Variants in RAB10 observed in about 807,000 individuals in gnomAD.
The protein encoded by RAB10 is ras-related protein Rab-10.
In RAB10, 5 loss-of-function variants were observed where a neutral mutation model predicts 25.7. The ratio of observed to expected loss-of-function variants is 0.19; its 90% CI spans 0.10 to 0.41. RAB10 has a LOEUF of 0.41. RAB10 is among the 10% of genes least tolerant of loss of function. The probability of loss-of-function intolerance (pLI) is 1.00; values close to 1 mark genes in which losing one functional copy is unlikely to be tolerated. For missense variants in RAB10, 103 were observed against 245.8 expected, an observed-to-expected ratio of 0.42 and a Z score of 3.89; for synonymous variants, 89 against 86.4, an observed-to-expected ratio of 1.03 and a Z score of -0.16.
intron 1 of RAB10, among the ~76,000 whole-genome samples, chr2:26,044,995 GT>G (rs80128722): frequency 4.3e-4 from 59 of 136,586 alleles, no homozygotes; most frequent in Non-Finnish European, 3.0e-4. Flanking sequence ...TTTTGTTTTT[GT>G]TTTTTTTTTT....
intron 1 of RAB10, among the ~76,000 whole-genome samples, chr2:26,041,641 C>A (rs1473590580): frequency 9.9e-5 from 15 of 151,312 alleles, no homozygotes; most frequent in Non-Finnish European, 1.5e-5. Context: ...TTTGGTGGCT[C>A]ACGCCTGTAA....
intron 2 of RAB10, 129 bp from the exon 3 acceptor site, chr2:26,109,639 T>C: frequency 4.5e-6 from 4 of 892,458 alleles, no homozygotes; most frequent in Non-Finnish European, 6.2e-6. Context: ...CCAGTATGGG[T>C]AGGTTATTAA....
chr2:26,128,844 A>G (rs199830021), intron 5 of RAB10, among the ~76,000 whole-genome samples: 2 of 8,402 alleles, frequency 2.4e-4, no homozygotes, highest in African/African-American at 6.1e-4. Context: ...TGTAAGTAAC[A>G]TGTAGTCAAA....
chr2:26,034,314 G>T lies in RAB10; in HGVS notation c.-295G>T. ...CTTGCTCGCCCGTGGGAGCGTCCCG[G>T]CCGAGAAGCCCTGAGGGGGGAGGGG... On this transcript the variant is annotated 5_prime_UTR_variant, in exon 1 of 6. Transcript: ENST00000264710. The T allele has an allele frequency of 1.8e-6, 1 of 549,738 alleles. No individual in the cohort carries two copies. The highest frequency in any genetic ancestry group is 3.2e-6 in the Non-Finnish European group (1 of 308,074). The allele number at this position is 549,738 out of a possible 1,614,324, so 34.1% of individuals were successfully genotyped here.
At chr2:26,106,932 G>A (rs1366722697) in intron 2 of RAB10, among the ~76,000 whole-genome samples, 1 of 150,256 alleles carries the variant, frequency 6.7e-6, no homozygotes, top group Non-Finnish European at 1.5e-5. Flanking sequence ...AAATACAGGA[G>A]AAAATCTTTG....
chr2:26,085,130 G>T (rs982001182), intron 1 of RAB10, among the ~76,000 whole-genome samples: 7 of 152,038 alleles, frequency 4.6e-5, no homozygotes, highest in African/African-American at 1.7e-4. Context: ...TGTGGCAAAA[G>T]GAATAATGGA....
intron 1 of RAB10, among the ~76,000 whole-genome samples, chr2:26,037,033 C>T (rs1559574721): frequency 6.6e-6 from 1 of 152,056 alleles, no homozygotes. Context: ...GCCCCAGCCT[C>T]CCAAAGTGCT....
At chr2:26,133,969 C>T (rs981985651) in intron 5 of RAB10, among the ~76,000 whole-genome samples, 3 of 152,298 alleles carry the variant, frequency 2.0e-5, no homozygotes, top group African/African-American at 4.8e-5. Flanking sequence ...CCACGACACC[C>T]GGCCCTTCTG....
At position 26,112,127 on chromosome 2, in the gene RAB10, C is replaced by T. The variant is rs567735739; in HGVS notation, c.327+2221C>T. ...AGAGCTTCCATCCCCTCTCTGGATA[C>T]GCCACCTCTCCCAGCACCTTGATGT... is the stretch of plus-strand genomic sequence containing the variant. On this transcript the variant is annotated intron_variant, in intron 3 of 5. Coordinates refer to ENST00000264710, the MANE Select transcript of RAB10 (RefSeq NM_016131.5). Among the ~76,000 whole-genome samples, 78 of 152,288 alleles carry T rather than the reference C, an allele frequency of 5.1e-4. 2 individuals are homozygous for T. The South Asian group carries it at 0.014, about 27-fold the overall frequency.
chr2:26,098,597 G>T, intron 1 of RAB10, 65 bp from the exon 2 acceptor site: 2 of 1,231,904 alleles, frequency 1.6e-6, no homozygotes, highest in South Asian at 2.6e-5. Flanking sequence ...TTTTTACTGT[G>T]ATTAATTTTA....
chr2:26,081,354 T>C (rs1341037863), intron 1 of RAB10, among the ~76,000 whole-genome samples: 1 of 152,158 alleles, frequency 6.6e-6, no homozygotes, highest in Admixed American at 6.5e-5. Context: ...TCTGTGATGT[T>C]CTGTGACATT....
chr2:26,111,999 T>C (rs972632238), intron 3 of RAB10, among the ~76,000 whole-genome samples: 1 of 152,164 alleles, frequency 6.6e-6, no homozygotes, highest in East Asian at 1.9e-4. Context: ...TCATAGAACT[T>C]AGGAAAATGC....
intron 1 of RAB10, among the ~76,000 whole-genome samples, chr2:26,070,941 G>T (rs1666612101): frequency 2.0e-5 from 3 of 152,036 alleles, no homozygotes; most frequent in Admixed American, 6.6e-5. Context: ...TCACTATGTT[G>T]ATGCTTGTAC....
intron 1 of RAB10, chr2:26,098,387 C>G (rs927658584): frequency 2.8e-6 from 1 of 359,264 alleles, no homozygotes; most frequent in Non-Finnish European, 5.0e-6. Context: ...ATCTGCCCAC[C>G]TCAGCCTCTC....
chr2:26,059,671 C>T lies in RAB10; in HGVS notation c.127+24936C>T, dbSNP rs532589158. 4.3e-4 allele frequency among the ~76,000 whole-genome samples: 65 copies of T among 152,298 alleles called. 2 individuals are homozygous for T. The South Asian group carries it at 0.013, about 30-fold the overall frequency. Reference sequence around the variant, plus strand: ...TGAAAGCAAGGTTTTGAGATCTTTGCATACCCATGTTATAACAGCACTATT... The same window carrying T: ...TGAAAGCAAGGTTTTGAGATCTTTGTATACCCATGTTATAACAGCACTATT... On this transcript the variant is annotated intron_variant, in intron 1 of 5. Transcript: ENST00000264710.
intron 1 of RAB10, among the ~76,000 whole-genome samples, chr2:26,051,997 C>G (rs1479010290): frequency 1.3e-5 from 2 of 150,976 alleles, no homozygotes; most frequent in African/African-American, 4.9e-5. Context: ...GCGGAGGTTG[C>G]AGTGAGCTGA....
At chr2:26,119,161 C>T (rs533200257) in intron 3 of RAB10, among the ~76,000 whole-genome samples, 3 of 152,282 alleles carry the variant, frequency 2.0e-5, no homozygotes, top group East Asian at 3.9e-4. Context: ...AATCCCAGCA[C>T]TTTGGGAATC....
At chr2:26,092,259 AGCTGTGTGTGTGTGTGTGTGT>A (rs1667122032) in intron 1 of RAB10, among the ~76,000 whole-genome samples, 1 of 140,134 alleles carries the variant, frequency 7.1e-6, no homozygotes, top group Admixed American at 7.5e-5. Flanking sequence ...TCATAGTGAG[AGCTGTGTGTGTGTGTGTGTGT>A]GTGTGTGTGT....
intron 1 of RAB10, among the ~76,000 whole-genome samples, chr2:26,095,202 T>C (rs1667185801): frequency 6.6e-6 from 1 of 152,204 alleles, no homozygotes; most frequent in South Asian, 2.1e-4. Context: ...CCTAGGCAAC[T>C]CTCACTAAGA....
Sources: allele counts gnomAD v4.1 joint callset (sites outside exome capture counted in the v4.1 genomes callset), GRCh38; gene constraint gnomAD v4.1.1; transcripts MANE v1.5; gene names NCBI Gene and HGNC (gene_info 2026-07-23, HGNC 2026-07-21).